The following SPAG17 variants were observed in gnomAD, a reference collection of about 807,000 sequenced individuals.
SPAG17 encodes sperm-associated antigen 17.
A neutral mutation model predicts 273.6 loss-of-function variants in SPAG17; 169 were observed. The ratio of observed to expected loss-of-function variants is 0.62; its 90% CI spans 0.55 to 0.70. The LOEUF is 0.70. Ranked by LOEUF, SPAG17 falls within the 30% of genes least tolerant of loss-of-function variation. The pLI is 0.00. For synonymous variants in SPAG17, 825 were observed against 873.2 expected (o/e 0.94, Z 0.97); for missense variants, 2,557 against 2,627.8 (o/e 0.97, Z 0.59).
At chr1:117,961,175 C>T (rs1653040825) in intron 48 of SPAG17, 1 of 152,158 alleles carries the variant, frequency 6.6e-6, no homozygotes. Flanking sequence ...CCCAGCTACT[C>T]AGGAGGCTGA....
intron 3 of SPAG17, among the ~76,000 whole-genome samples, chr1:118,116,314 T>C (rs2102259684): frequency 6.6e-6 from 1 of 152,344 alleles, no homozygotes; most frequent in South Asian, 2.1e-4. Flanking sequence ...TGAAGCATTG[T>C]CACAGAAGTA....
At chr1:118,009,042 C>G (rs1410670065) in intron 30 of SPAG17, among the ~76,000 whole-genome samples, 1 of 151,878 alleles carries the variant, frequency 6.6e-6, no homozygotes, top group Admixed American at 6.6e-5. Context: ...TCTCTATAAG[C>G]AGAAATAAAG....
chr1:118,087,677 A>AT (rs772477710), intron 10 of SPAG17, among the ~76,000 whole-genome samples: 175 of 152,312 alleles, frequency 1.1e-3, no homozygotes, highest in Non-Finnish European at 2.1e-3. Flanking sequence ...GCCTTGTTCA[A>AT]TTTTTCATGG....
chr1:118,088,838 C>T (rs1655175577), intron 10 of SPAG17, among the ~76,000 whole-genome samples: 1 of 151,998 alleles, frequency 6.6e-6, no homozygotes, highest in Non-Finnish European at 1.5e-5. Flanking sequence ...AGAGAAAAAC[C>T]CTGAAACTCC....
chr1:118,034,816 A>G (rs555581396), intron 24 of SPAG17, among the ~76,000 whole-genome samples: 2 of 152,296 alleles, frequency 1.3e-5, no homozygotes, highest in Admixed American at 6.5e-5. Context: ...GGGCCTGATT[A>G]AGATTAAGAT....
chr1:118,158,390 C>T (rs1225524855), intron 1 of SPAG17, among the ~76,000 whole-genome samples: 3 of 152,084 alleles, frequency 2.0e-5, no homozygotes, highest in Non-Finnish European at 2.9e-5. Context: ...ATACAGAGGA[C>T]TAGGGGAAGA....
intron 1 of SPAG17, among the ~76,000 whole-genome samples, chr1:118,172,201 A>T (rs1439396344): frequency 1.3e-5 from 2 of 152,252 alleles, no homozygotes; most frequent in Non-Finnish European, 2.9e-5. Flanking sequence ...CAAATATTTT[A>T]AAATATGTAG....
chr1:118,147,732 C>T (rs779959011), intron 3 of SPAG17, among the ~76,000 whole-genome samples: 1 of 152,178 alleles, frequency 6.6e-6, no homozygotes, highest in African/African-American at 2.4e-5. Flanking sequence ...TGTGTGTACA[C>T]AACACCATGC....
chr1:118,167,211 A>AT (rs904591162), intron 1 of SPAG17, among the ~76,000 whole-genome samples: 2 of 152,124 alleles, frequency 1.3e-5, no homozygotes, highest in African/African-American at 4.8e-5. Context: ...AAATTCTCTG[A>AT]TTTTTTTAAA....
At chr1:118,100,453 G>T (rs148404743) in intron 5 of SPAG17, among the ~76,000 whole-genome samples, 1 of 151,998 alleles carries the variant, frequency 6.6e-6, no homozygotes, top group East Asian at 1.9e-4. Context: ...CATTCTGCAG[G>T]GTAAGAATAA....
intron 21 of SPAG17, 146 bp from the exon 22 acceptor site, chr1:118,040,987 A>C (rs1043075976): frequency 3.1e-6 from 2 of 651,786 alleles, no homozygotes; most frequent in Admixed American, 2.7e-5. Flanking sequence ...GCCAGTGTTC[A>C]TATTATTTTT....
At chr1:118,168,538 G>T (rs1415305307) in intron 1 of SPAG17, among the ~76,000 whole-genome samples, 2 of 152,150 alleles carry the variant, frequency 1.3e-5, no homozygotes, top group Non-Finnish European at 2.9e-5. Context: ...TAATCCAGTA[G>T]ATATTTTTCA....
chr1:118,009,565 T>C (rs1659258592), intron 30 of SPAG17, among the ~76,000 whole-genome samples: 1 of 152,138 alleles, frequency 6.6e-6, no homozygotes, highest in Admixed American at 6.6e-5. Context: ...ATGCTGAGAC[T>C]GAAGACCTAT....
Position 117,957,220 on chromosome 1 carries a change from C to T in SPAG17, c.*1-3171G>A, listed in dbSNP as rs573483179. ...AGGTAACATCCTTTTCCAAAGAATA[C>T]CATGTCTGTTCAGCAGAACTGCTTC... On this transcript the variant is annotated intron_variant, in intron 48 of 48. Transcript: ENST00000336338. 3.7e-6 allele frequency: 6 copies of T among 1,604,250 alleles called. No homozygotes were observed. The African/African-American group carries it at 6.7e-5, about 18-fold the overall frequency.
intron 32 of SPAG17, among the ~76,000 whole-genome samples, chr1:118,001,298 C>T (rs1379916410): frequency 6.6e-6 from 1 of 152,180 alleles, no homozygotes; most frequent in East Asian, 1.9e-4. Context: ...TGTTGTGTCT[C>T]TGCCAGGCTT....
intron 6 of SPAG17, among the ~76,000 whole-genome samples, chr1:118,098,252 T>A (rs183061975): frequency 1.9e-3 from 296 of 152,312 alleles, no homozygotes; most frequent in Admixed American, 5.5e-3. Context: ...ATGCAGTTTA[T>A]CTGGTTCTCC....
In SPAG17 at chr1:118,074,738, C is replaced by A. The variant is rs74970458; in HGVS notation, c.2210-138G>T. On this transcript the variant is annotated intron_variant, in intron 15 of 48. Coordinates refer to ENST00000336338, the MANE Select transcript of SPAG17 (RefSeq NM_206996.4). ...CAATGCCTGAAAGGCATGTTTTGTG[C>A]CTCCAGAAAGGTGTTTGTGTCCATA... 109 of 734,872 alleles carry A rather than the reference C, an allele frequency of 1.5e-4. No individual in the cohort carries two copies. The African/African-American group carries it at 1.8e-3, about 12-fold the overall frequency. The allele number at this position is 734,872 out of a possible 1,614,324, so 45.5% of individuals were successfully genotyped here.
At chr1:117,990,824 G>T (rs767046257) in intron 38 of SPAG17, 37 bp downstream of exon 38, 12 of 1,410,410 alleles carry the variant, frequency 8.5e-6, no homozygotes, top group Non-Finnish European at 9.9e-6. Context: ...TTTGAAACTT[G>T]TAAATATACT....
At chr1:118,125,928 GT>G (rs1173020548) in intron 3 of SPAG17, among the ~76,000 whole-genome samples, 1 of 151,416 alleles carries the variant, frequency 6.6e-6, no homozygotes, top group East Asian at 1.9e-4. Flanking sequence ...TCTATTTTTA[GT>G]TTTTTTGAGA....
Sources: gnomAD v4.1 joint callset for allele counts (sites outside exome capture counted in the v4.1 genomes callset) on GRCh38, gnomAD v4.1.1 for gene constraint, MANE v1.5 for transcripts, NCBI Gene and HGNC (gene_info 2026-07-23, HGNC 2026-07-21) for gene names.